Variants in KHDRBS1 observed in about 807,000 individuals in gnomAD.
KHDRBS1 encodes the protein KH RNA binding domain containing, signal transduction associated 1, also known as KH domain-containing, RNA-binding, signal transduction-associated protein 1.
Under a neutral mutation model 48.4 loss-of-function variants are expected in KHDRBS1, and 7 were observed. That is an observed-to-expected ratio of 0.14 (90% confidence interval 0.08 to 0.27). KHDRBS1 has a LOEUF of 0.27. Among genes scored for constraint, KHDRBS1 ranks in the 10% least tolerant of loss-of-function variants. The pLI is 1.00. For missense variants in KHDRBS1, 458 were observed against 601.2 expected, an observed-to-expected ratio of 0.76 and a Z score of 2.49; for synonymous variants, 241 against 235.8, an observed-to-expected ratio of 1.02 and a Z score of -0.20.
rs1289162610 is a variant in KHDRBS1, at chr1:32,030,267, A to C, written c.383-31A>C. 4 of 1,589,456 alleles carry C rather than the reference A, an allele frequency of 2.5e-6. No homozygotes were observed. The African/African-American group carries it at 4.1e-5, about 16-fold the overall frequency. ...ACTTCAAAATTTGCATTTATTTACCAGGGCAAAAATAAATTGTTTTTCCTA... is the reference window on the plus strand; with the variant it reads ...ACTTCAAAATTTGCATTTATTTACCCGGGCAAAAATAAATTGTTTTTCCTA... On this transcript the variant is annotated intron_variant, in intron 1 of 8. Coordinates refer to ENST00000327300, the MANE Select transcript of KHDRBS1 (RefSeq NM_006559.3).
intron 1 of KHDRBS1, among the ~76,000 whole-genome samples, chr1:32,015,169 G>C (rs1447093532): frequency 6.6e-6 from 1 of 152,102 alleles, no homozygotes; most frequent in Non-Finnish European, 1.5e-5. Flanking sequence ...GTACTGAAAG[G>C]CTTGGCCTTT....
intron 10 of KHDRBS1, among the ~76,000 whole-genome samples, chr1:32,050,847 C>T (rs1457976293): frequency 6.6e-6 from 1 of 151,606 alleles, no homozygotes; most frequent in East Asian, 1.9e-4. Flanking sequence ...GTCTATGATT[C>T]ATTTTATGTT....
chr1:32,052,173 C>T (rs1639429876), intron 10 of KHDRBS1: 1 of 152,114 alleles, frequency 6.6e-6, no homozygotes, highest in African/African-American at 2.4e-5. Context: ...AGGTAATTTA[C>T]CATGGTTGCA....
In KHDRBS1 at chr1:32,037,233, A is replaced by G. The variant is rs772801642; in HGVS notation, c.905+190A>G. ...TTAGGAGGCTAAGGCAGGCGGATCAACTGACATTTGGAGTTTGAGACCAGC... is the reference window on the plus strand; with the variant it reads ...TTAGGAGGCTAAGGCAGGCGGATCAGCTGACATTTGGAGTTTGAGACCAGC... On this transcript the variant is annotated intron_variant, in intron 5 of 8. Transcript: ENST00000327300. 5.9e-5 allele frequency among the ~76,000 whole-genome samples: 9 copies of G among 152,076 alleles called. No homozygotes were observed. In the South Asian group the frequency reaches 1.7e-3, roughly 28 times the overall value.
chr1:32,055,534 G>GC (rs1639471726), intron 10 of KHDRBS1, among the ~76,000 whole-genome samples: 1 of 152,062 alleles, frequency 6.6e-6, no homozygotes, highest in Non-Finnish European at 1.5e-5. Context: ...ATTAATAGTC[G>GC]TTGCATGTTT....
intron 1 of KHDRBS1, among the ~76,000 whole-genome samples, chr1:32,028,806 A>ATT (rs200155249): frequency 1.3e-4 from 17 of 135,616 alleles, no homozygotes; most frequent in African/African-American, 4.6e-4. Context: ...CACCTGGCCT[A>ATT]TTTTTTTTTT....
At chr1:32,049,281 C>T (rs948968747) in intron 10 of KHDRBS1, among the ~76,000 whole-genome samples, 3 of 151,970 alleles carry the variant, frequency 2.0e-5, no homozygotes, top group African/African-American at 4.8e-5. Context: ...GTCTCGAACT[C>T]GTGACTTCAG....
chr1:32,014,868 G>T (rs1188886826), intron 1 of KHDRBS1, among the ~76,000 whole-genome samples: 1 of 152,222 alleles, frequency 6.6e-6, no homozygotes, highest in African/African-American at 2.4e-5. Flanking sequence ...GCCCTGTCCA[G>T]TGCCTTGCTG....
intron 10 of KHDRBS1, among the ~76,000 whole-genome samples, chr1:32,056,213 A>C (rs1345727645): frequency 6.6e-6 from 1 of 151,136 alleles, no homozygotes; most frequent in Non-Finnish European, 1.5e-5. Context: ...GTTCTCATGT[A>C]CACAAGCTAA....
intron 10 of KHDRBS1, among the ~76,000 whole-genome samples, chr1:32,048,986 G>A (rs1402481049): frequency 3.3e-5 from 5 of 151,500 alleles, no homozygotes; most frequent in Non-Finnish European, 2.9e-5. Context: ...CTTTCTGTAT[G>A]ATTTCATACA....
At position 32,013,909 on chromosome 1, in the gene KHDRBS1, C is replaced by A. The variant is rs1346477606; in HGVS notation, c.-87C>A. The A allele has an allele frequency of 1.6e-6, 2 of 1,259,570 alleles. No individual in the cohort carries two copies. Among genetic ancestry groups the A allele is most frequent in the Non-Finnish European group, 2.0e-6 (2 of 983,652 alleles). 78.0% of individuals were successfully genotyped at this position (1,259,570 alleles called of 1,614,324 possible). ...CGGGTCGGCTTCGGTCGCTACCGCT[C>A]CCGCTCTGCCACCCCCGCCAACCGC... On this transcript the variant is annotated 5_prime_UTR_variant, in exon 1 of 9. Transcript: ENST00000327300.
At chr1:32,032,884 T>C (rs902585075) in intron 3 of KHDRBS1, among the ~76,000 whole-genome samples, 2 of 152,140 alleles carry the variant, frequency 1.3e-5, no homozygotes, top group Non-Finnish European at 2.9e-5. Flanking sequence ...GAGACGGGGC[T>C]TCATCACATT....
At chr1:32,037,656 A>G (rs963433695) in intron 5 of KHDRBS1, among the ~76,000 whole-genome samples, 179 bp from the exon 6 acceptor site, 10 of 152,180 alleles carry the variant, frequency 6.6e-5, no homozygotes, top group African/African-American at 1.7e-4. Flanking sequence ...TTGGTCCTCT[A>G]TAGGACCTGG....
intron 1 of KHDRBS1, among the ~76,000 whole-genome samples, chr1:32,021,731 C>T (rs1638862399): frequency 1.3e-5 from 2 of 152,042 alleles, no homozygotes; most frequent in South Asian, 2.1e-4. Flanking sequence ...ATTCTTGTGC[C>T]TCAGCCTCTC....
At chr1:32,055,038 T>TG (rs1367031413) in intron 10 of KHDRBS1, among the ~76,000 whole-genome samples, 1 of 152,198 alleles carries the variant, frequency 6.6e-6, no homozygotes, top group African/African-American at 2.4e-5. Context: ...CTTAGCTGCC[T>TG]GCTGGTCTTC....
intron 1 of KHDRBS1, among the ~76,000 whole-genome samples, chr1:32,024,968 C>T (rs1179052762): frequency 6.7e-6 from 1 of 149,544 alleles, no homozygotes; most frequent in African/African-American, 2.5e-5. Context: ...CTCTTTAAAA[C>T]AAACAAAAAA....
downstream of KHDRBS1, among the ~76,000 whole-genome samples, chr1:32,044,240 G>A (rs1186746223): frequency 6.6e-6 from 1 of 152,192 alleles, no homozygotes; most frequent in Non-Finnish European, 1.5e-5. Context: ...ACCTTCTGTA[G>A]AACCCCTAGG....
rs891666290 is a variant in KHDRBS1 at position 32,014,076 on chromosome 1, C to T, written c.81C>T (p.His27=). The change falls in exon 1 of 9, where the codon CAC becomes CAT. Residue 27 remains histidine (H), a synonymous_variant. Transcript: ENST00000327300. The stretch of plus-strand genomic sequence containing the variant: ...GCTCCATGGACCCCTCCGGTGCCCA[C>T]CCCTCGGTGCGTCAGACGCCGTCTC... ...RSGSMDPSGA[H]PSVRQTPSRQ... The T allele has an allele frequency of 1.4e-6, 2 of 1,479,724 alleles. No homozygotes were observed. Among genetic ancestry groups the T allele is most frequent in the African/African-American group, 1.5e-5 (1 of 68,654 alleles). 91.7% of individuals were successfully genotyped at this position (1,479,724 alleles called of 1,614,324 possible). A position where few individuals can be genotyped will look rare whatever the true frequency, so the allele number is the denominator to read the frequency against.
At chr1:32,025,292 C>CTTTTTTTTTT (rs576339772) in intron 1 of KHDRBS1, among the ~76,000 whole-genome samples, 1 of 92,094 alleles carries the variant, frequency 1.1e-5, no homozygotes, top group South Asian at 4.7e-4. Flanking sequence ...TCGGCTCCTC[C>CTTTTTTTTTT]TTTTTTTTTT....
Sources: allele counts gnomAD v4.1 joint callset (sites outside exome capture counted in the v4.1 genomes callset), GRCh38; gene constraint gnomAD v4.1.1; transcripts MANE v1.5; gene names NCBI Gene and HGNC (gene_info 2026-07-23, HGNC 2026-07-21).